Variants in LDB2 observed in about 807,000 individuals in gnomAD.
LDB2 encodes LIM domain binding 2, also known as LIM domain-binding protein 2.
Under a neutral mutation model 44.3 loss-of-function variants are expected in LDB2, and 12 were observed. The observed-to-expected ratio is 0.27, with a 90% CI of 0.17 to 0.44. The LOEUF (loss-of-function observed/expected upper bound fraction) is 0.44. LDB2 is among the 20% of genes least tolerant of loss of function. The pLI, the probability that LDB2 is intolerant of heterozygous loss-of-function variation, is 1.00. For synonymous variants in LDB2, 164 were observed against 174.8 expected, an observed-to-expected ratio of 0.94 and a Z score of 0.49; for missense variants, 344 against 473.5, an observed-to-expected ratio of 0.73 and a Z score of 2.54.
chr4:16,595,603 T>C (rs1183216645), intron 3 of LDB2, 100 bp downstream of exon 3: 5 of 1,046,222 alleles, frequency 4.8e-6, no homozygotes, highest in East Asian at 2.4e-5. Context: ...GTCTGGGAGA[T>C]GAGCAATCGG....
chr4:16,844,819 C>T (rs1786640177), intron 1 of LDB2, among the ~76,000 whole-genome samples: 1 of 152,164 alleles, frequency 6.6e-6, no homozygotes, highest in South Asian at 2.1e-4. Flanking sequence ...CTGACCTAAC[C>T]CACCTAATGT....
intron 1 of LDB2, among the ~76,000 whole-genome samples, chr4:16,846,306 A>G (rs1786994209): frequency 6.6e-6 from 1 of 152,204 alleles, no homozygotes; most frequent in African/African-American, 2.4e-5. Flanking sequence ...AAACCTATCA[A>G]GATGGCTAAC....
At chr4:16,515,204 A>T (rs554167767) in intron 5 of LDB2, among the ~76,000 whole-genome samples, 1 of 152,214 alleles carries the variant, frequency 6.6e-6, no homozygotes, top group South Asian at 2.1e-4. Context: ...CAAATACTGC[A>T]TATTCTCACT....
chr4:16,559,273 T>C (rs937564264), intron 5 of LDB2, among the ~76,000 whole-genome samples: 3 of 152,116 alleles, frequency 2.0e-5, no homozygotes, highest in African/African-American at 4.8e-5. Context: ...GACTGGCAAA[T>C]TGGATAAAGA....
chr4:16,739,388 A>G (rs1030778115), intron 2 of LDB2, among the ~76,000 whole-genome samples: 1 of 150,212 alleles, frequency 6.7e-6, no homozygotes, highest in African/African-American at 2.4e-5. Flanking sequence ...GGAGTTCAAA[A>G]CCAACCTGGC....
intron 2 of LDB2, among the ~76,000 whole-genome samples, chr4:16,753,829 T>C (rs534453640): frequency 1.8e-4 from 27 of 152,292 alleles, no homozygotes; most frequent in African/African-American, 6.0e-4. Flanking sequence ...GAAAATTTTA[T>C]CTGCATTGTC....
intron 5 of LDB2, among the ~76,000 whole-genome samples, chr4:16,556,500 A>G (rs570569562): frequency 1.1e-4 from 16 of 152,262 alleles, no homozygotes; most frequent in African/African-American, 3.6e-4. Context: ...CTTGGACTTC[A>G]TCTAATAATC....
chr4:16,664,856 G>C (rs183856572), intron 2 of LDB2, among the ~76,000 whole-genome samples: 53 of 152,338 alleles, frequency 3.5e-4, no homozygotes, highest in African/African-American at 1.2e-3. Flanking sequence ...ATGCATCAAT[G>C]TTGGGTCAAG....
intron 1 of LDB2, among the ~76,000 whole-genome samples, chr4:16,889,062 GTCTCTCTCTC>G (rs200868279): frequency 1.4e-5 from 2 of 146,306 alleles, no homozygotes; most frequent in Non-Finnish European, 3.0e-5. Flanking sequence ...TAGGACAAAT[GTCTCTCTCTC>G]TCTCTCTCTC....
At chr4:16,755,187 C>T (rs1478817352) in intron 2 of LDB2, among the ~76,000 whole-genome samples, 2 of 152,110 alleles carry the variant, frequency 1.3e-5, no homozygotes, top group African/African-American at 4.8e-5. Flanking sequence ...AACGGTTCTG[C>T]TACATTCCTA....
At chr4:16,540,169 C>T (rs986653341) in intron 5 of LDB2, among the ~76,000 whole-genome samples, 1 of 152,116 alleles carries the variant, frequency 6.6e-6, no homozygotes, top group Non-Finnish European at 1.5e-5. Flanking sequence ...CTCCATGATC[C>T]AGTCACCTTC....
At chr4:16,555,483 G>T (rs1739244692) in intron 5 of LDB2, among the ~76,000 whole-genome samples, 2 of 152,152 alleles carry the variant, frequency 1.3e-5, no homozygotes, top group South Asian at 4.1e-4. Flanking sequence ...ACATGTGCTT[G>T]CATGCACATA....
At chr4:16,894,646 G>A (rs1724392833) in intron 1 of LDB2, among the ~76,000 whole-genome samples, 1 of 152,144 alleles carries the variant, frequency 6.6e-6, no homozygotes, top group Non-Finnish European at 1.5e-5. Context: ...TTTAGGGAGA[G>A]TGAGAAGCAG....
intron 1 of LDB2, among the ~76,000 whole-genome samples, chr4:16,880,087 A>G (rs983114411): frequency 1.3e-5 from 2 of 151,942 alleles, no homozygotes; most frequent in African/African-American, 4.8e-5. Flanking sequence ...ACAAATCCAA[A>G]TCCTACAATC....
intron 2 of LDB2, among the ~76,000 whole-genome samples, chr4:16,647,818 T>A (rs1737198190): frequency 6.6e-6 from 1 of 152,230 alleles, no homozygotes. Flanking sequence ...GTTATGAGGT[T>A]CTCTCTGTGA....
In LDB2 at chr4:16,582,524, T is replaced by C. The variant is rs563712877; in HGVS notation, c.615+3398A>G. 6.6e-6 allele frequency among the ~76,000 whole-genome samples: 1 copy of C among 152,314 alleles called. No individual in the cohort carries two copies. The highest frequency in any genetic ancestry group is 2.4e-5 in the African/African-American group (1 of 41,564). ...TCCAGCACCAGAGAGTGCTGCTTAC[T>C]GAAAGGTGCCATCTCCCCATGTCAT... is the stretch of plus-strand genomic sequence containing the variant. On this transcript the variant is annotated intron_variant, in intron 5 of 7. Transcript: ENST00000304523. The surrounding 1 kb of genome is among the most constrained non-coding windows in gnomAD (Gnocchi z 4.8).
chr4:16,838,725 G>C (rs967723528), intron 1 of LDB2, among the ~76,000 whole-genome samples: 1 of 152,188 alleles, frequency 6.6e-6, no homozygotes, highest in Non-Finnish European at 1.5e-5. Flanking sequence ...AACTTCCAGT[G>C]TGAGGAAAAG....
chr4:16,718,297 T>C (rs1167556236), intron 2 of LDB2, among the ~76,000 whole-genome samples: 1 of 152,106 alleles, frequency 6.6e-6, no homozygotes, highest in South Asian at 2.1e-4. Flanking sequence ...TAATTATATA[T>C]GTAACCTACA....
At chr4:16,556,563 TAA>T (rs1392505553) in intron 5 of LDB2, among the ~76,000 whole-genome samples, 4 of 152,152 alleles carry the variant, frequency 2.6e-5, no homozygotes, top group African/African-American at 9.7e-5. Context: ...CCACAAACAA[TAA>T]AGACTGTTTA....
Sources: gnomAD v4.1 joint callset for allele counts (sites outside exome capture counted in the v4.1 genomes callset) on GRCh38, gnomAD v4.1.1 for gene constraint, Gnocchi (gnomAD v3.1) non-coding constraint, MANE v1.5 for transcripts, NCBI Gene and HGNC (gene_info 2026-07-23, HGNC 2026-07-21) for gene names.